Variants in ZFYVE9 observed in about 807,000 individuals in gnomAD.
The protein encoded by ZFYVE9 is zinc finger FYVE-type containing 9.
ZFYVE9 carries 43 observed loss-of-function variants against 126.7 expected under a neutral mutation model. That is an observed-to-expected ratio of 0.34 (90% CI 0.27 to 0.44). The LOEUF (loss-of-function observed/expected upper bound fraction) is 0.44, where lower values mean the gene tolerates loss of function less well. Ranked by LOEUF, ZFYVE9 falls within the 20% of genes least tolerant of loss-of-function variation. The probability of loss-of-function intolerance (pLI) is 1.00; values close to 1 mark genes in which losing one functional copy is unlikely to be tolerated. For missense variants in ZFYVE9, 1,476 were observed against 1,697.0 expected (o/e 0.87, Z 2.29); for synonymous variants, 521 against 597.4 (o/e 0.87, Z 1.87).
intron 4 of ZFYVE9, 134 bp downstream of exon 4, chr1:52,239,729 C>A: frequency 1.0e-6 from 1 of 997,940 alleles, no homozygotes; most frequent in Non-Finnish European, 1.4e-6. Context: ...AAACCCAGTT[C>A]TAGTAAATTT....
intron 1 of ZFYVE9, among the ~76,000 whole-genome samples, chr1:52,212,016 G>A (rs1176387866): frequency 1.3e-5 from 2 of 151,964 alleles, no homozygotes; most frequent in East Asian, 3.8e-4. Context: ...GTTCTTTAAC[G>A]TTCCTTCATA....
In ZFYVE9 at chr1:52,268,557, A is replaced by G. The variant is rs757321069; in HGVS notation, c.2550A>G (p.Gly850=). ...VADAAKLTMN[G]TSSAGTLAVS... is the part of the protein sequence containing the mutation. The stretch of plus-strand genomic sequence containing the variant: ...ATGCAGCCAAATTAACAATGAATGG[A>G]ACTTCCTCTGCAGGAACCCTGGCTG... Residue 850 remains glycine, a synonymous_variant, in exon 7 of 19, where the codon GGA becomes GGG. Transcript: ENST00000287727. 6.2e-7 allele frequency: 1 copy of G among 1,614,196 alleles called. No homozygotes were observed. The highest frequency in any genetic ancestry group is 1.1e-5 in the South Asian group (1 of 91,076).
intron 1 of ZFYVE9, among the ~76,000 whole-genome samples, chr1:52,173,153 C>G (rs1258224926): frequency 1.3e-5 from 2 of 152,070 alleles, no homozygotes; most frequent in Non-Finnish European, 2.9e-5. Context: ...ATAGATAGCT[C>G]TTATTATTTT....
At chr1:52,304,293 C>T (rs1376322676) in intron 13 of ZFYVE9, among the ~76,000 whole-genome samples, 3 of 152,054 alleles carry the variant, frequency 2.0e-5, no homozygotes, top group African/African-American at 4.8e-5. Context: ...GATGGAGTCT[C>T]ACTGTGTCGC....
chr1:52,227,276 C>T (rs1287137265), intron 2 of ZFYVE9, among the ~76,000 whole-genome samples: 1 of 152,270 alleles, frequency 6.6e-6, no homozygotes, highest in Non-Finnish European at 1.5e-5. Context: ...CAAGCTATTT[C>T]TCCTCCTTTA....
At chr1:52,278,697 G>T in intron 9 of ZFYVE9, 83 bp downstream of exon 9, 246 of 765,890 alleles carry the variant, frequency 3.2e-4, no homozygotes, top group Non-Finnish European at 4.2e-4. Context: ...TTACACACAA[G>T]TATTTTTATA....
intron 1 of ZFYVE9, among the ~76,000 whole-genome samples, chr1:52,213,521 G>A (rs572826942): frequency 6.6e-6 from 1 of 151,958 alleles, no homozygotes; most frequent in Non-Finnish European, 1.5e-5. Context: ...GCCTGGTGGC[G>A]TGCATCTGTA....
intron 13 of ZFYVE9, among the ~76,000 whole-genome samples, chr1:52,306,203 C>G (rs1421588944): frequency 6.6e-6 from 1 of 152,124 alleles, no homozygotes; most frequent in Non-Finnish European, 1.5e-5. Flanking sequence ...TGCATGCTTC[C>G]CCTCCTCTGA....
At chr1:52,302,850 CTG>C (rs201021675) in intron 12 of ZFYVE9, among the ~76,000 whole-genome samples, 1,648 of 152,026 alleles carry the variant, frequency 0.011, 24 homozygotes, top group African/African-American at 0.038. Flanking sequence ...TGGCTCACGA[CTG>C]TAATTGTAGC....
At chr1:52,178,250 G>T (rs1644658737) in intron 1 of ZFYVE9, among the ~76,000 whole-genome samples, 2 of 121,266 alleles carry the variant, frequency 1.6e-5, no homozygotes, top group South Asian at 3.0e-4. Flanking sequence ...CTGCACTCCA[G>T]CCTGGGTGAC....
At chr1:52,201,560 G>A (rs1186392736) in intron 1 of ZFYVE9, among the ~76,000 whole-genome samples, 2 of 151,512 alleles carry the variant, frequency 1.3e-5, no homozygotes, top group African/African-American at 2.4e-5. Flanking sequence ...TGTATTTTTA[G>A]TAGAGACAGG....
intron 16 of ZFYVE9, among the ~76,000 whole-genome samples, chr1:52,338,909 G>T (rs571385116): frequency 1.3e-5 from 2 of 152,268 alleles, no homozygotes; most frequent in Admixed American, 1.3e-4. Flanking sequence ...TACTCAGGAG[G>T]CTGAGGCAGG....
At chr1:52,307,904 A>G (rs1170831633) in intron 13 of ZFYVE9, among the ~76,000 whole-genome samples, 3 of 151,898 alleles carry the variant, frequency 2.0e-5, no homozygotes, top group African/African-American at 7.3e-5. Context: ...GGTGTCCGCT[A>G]CCACGCCCGG....
At chr1:52,147,870 C>T (rs1644318836) in intron 1 of ZFYVE9, among the ~76,000 whole-genome samples, 1 of 152,142 alleles carries the variant, frequency 6.6e-6, no homozygotes, top group Non-Finnish European at 1.5e-5. Flanking sequence ...TCCTCACCAA[C>T]ACTTGTTATC....
chr1:52,185,918 CAAA>C (rs777825678), intron 1 of ZFYVE9, among the ~76,000 whole-genome samples: 8 of 65,764 alleles, frequency 1.2e-4, no homozygotes, highest in Admixed American at 1.7e-4. Flanking sequence ...GACTCCGTCT[CAAA>C]AAAAAAAAAA....
intron 3 of ZFYVE9, 128 bp from the exon 4 acceptor site, chr1:52,237,360 C>A: frequency 1.2e-6 from 1 of 837,732 alleles, no homozygotes; most frequent in Non-Finnish European, 1.8e-6. Flanking sequence ...ATTTTTTAGC[C>A]CCGAATTAGA....
intron 2 of ZFYVE9, among the ~76,000 whole-genome samples, chr1:52,220,519 G>A (rs1645114603): frequency 6.6e-6 from 1 of 152,146 alleles, no homozygotes; most frequent in Non-Finnish European, 1.5e-5. Flanking sequence ...TTAACCCTGG[G>A]TTTCTTCCCG....
At chr1:52,320,652 A>G (rs1378909126) in intron 13 of ZFYVE9, among the ~76,000 whole-genome samples, 1 of 152,230 alleles carries the variant, frequency 6.6e-6, no homozygotes, top group East Asian at 1.9e-4. Context: ...TCATAGATTT[A>G]TACAGAGTTA....
chr1:52,301,522 T>G (rs1646035511), intron 12 of ZFYVE9, among the ~76,000 whole-genome samples: 1 of 152,096 alleles, frequency 6.6e-6, no homozygotes, highest in Non-Finnish European at 1.5e-5. Context: ...CAGACTGGTC[T>G]CCAACTCCTG....
Sources: gnomAD v4.1 joint callset for allele counts (sites outside exome capture counted in the v4.1 genomes callset) on GRCh38, gnomAD v4.1.1 for gene constraint, MANE v1.5 for transcripts, NCBI Gene and HGNC (gene_info 2026-07-23, HGNC 2026-07-21) for gene names.